SLC23A3: variants seen among roughly 807,000 people sequenced by gnomAD.
SLC23A3 encodes E2-binding protein 3.
Under a neutral mutation model 64.7 loss-of-function variants are expected in SLC23A3, and 41 were observed. That is an observed-to-expected ratio of 0.63 (90% CI 0.49 to 0.82). The LOEUF (loss-of-function observed/expected upper bound fraction) is 0.82. SLC23A3 is among the 40% of genes least tolerant of loss of function. The pLI, the probability that SLC23A3 is intolerant of heterozygous loss-of-function variation, is 0.00. For synonymous variants in SLC23A3, 281 were observed against 306.8 expected (o/e 0.92, Z 0.88); for missense variants, 647 against 733.4 (o/e 0.88, Z 1.36).
In SLC23A3 at chr2:219,163,593, G is replaced by A. The variant is rs770055769; in HGVS notation, c.1274-38C>T. On this transcript the variant is annotated intron_variant, in intron 9 of 11. Transcript: ENST00000409878. ...GAAGAAATCAAGGGGGTCAGGAGGA[G>A]TCAAGGGGGCTCACATAGCATGGAG... The A allele has an allele frequency of 7.5e-6, 12 of 1,603,220 alleles. 1 individual carries two copies. The South Asian group carries it at 1.2e-4, about 16-fold the overall frequency.
intron 9 of SLC23A3, 145 bp downstream of exon 9, chr2:219,164,088 A>G (rs562276430): frequency 1.4e-5 from 9 of 627,372 alleles, no homozygotes; most frequent in Non-Finnish European, 2.3e-5. Flanking sequence ...AGGCTGACAC[A>G]TGCTCATATC....
rs1479546908 is a variant in SLC23A3 at position 219,169,928 on chromosome 2, G to A, written c.57C>T (p.Ala19=). 1.9e-6 allele frequency: 3 copies of A among 1,614,006 alleles called. No individual in the cohort carries two copies. In the South Asian group the frequency reaches 3.3e-5, roughly 18 times the overall value. ...SQLRSVGSQD[A]LAPLPPPAPQ... ...GAGCAGGTGGAGGCAAGGGGGCCAG[G>A]GCATCCTGGGAGCCCACTGATCGGA... The change falls in exon 1 of 12, where the codon GCC becomes GCT. Residue 19 remains alanine, a synonymous_variant. Coordinates refer to ENST00000409878, the MANE Select transcript of SLC23A3 (RefSeq NM_001144889.2). The surrounding 1 kb of genome is among the most constrained non-coding windows in gnomAD (Gnocchi z 4.5).
chr2:219,169,650 C>G lies in SLC23A3; in HGVS notation c.191G>C (p.Cys64Ser), dbSNP rs1188386970. The stretch of plus-strand genomic sequence containing the variant: ...GCAAAGCAGGAGCAGGTGGGAGACA[C>G]AGAGCAGAGAAGCCATGACCAAGAC... The part of the protein sequence containing the change: ...QHVLVMASLL[C>S]VSHLLLLCSL... Residue 64 changes from cysteine (C) to serine (S), a missense_variant, in exon 2 of 12, where the codon TGT becomes TCT. Transcript: ENST00000409878. The surrounding 1 kb of genome is among the most constrained non-coding windows in gnomAD (Gnocchi z 4.5). The G allele has an allele frequency of 6.2e-7, 1 of 1,613,996 alleles. No individual in the cohort carries two copies. Among genetic ancestry groups the G allele is most frequent in the African/African-American group, 1.3e-5 (1 of 74,908 alleles).
chr2:219,164,883 T>C, intron 8 of SLC23A3: 1 of 455,634 alleles, frequency 2.2e-6, no homozygotes, highest in Non-Finnish European at 3.8e-6. Context: ...GATACTTTTT[T>C]CCTTCAACTG....
chr2:219,167,668 G>C (rs1383971301), intron 7 of SLC23A3, among the ~76,000 whole-genome samples: 1 of 151,622 alleles, frequency 6.6e-6, no homozygotes, highest in Non-Finnish European at 1.5e-5. Flanking sequence ...CCTGGGCCTG[G>C]GAGGTTGAGG....
rs374308076 is a variant in SLC23A3 at position 219,163,474 on chromosome 2, C to T, written c.1355G>A (p.Arg452Gln). The T allele has an allele frequency of 2.0e-5, 33 of 1,614,034 alleles. No homozygotes were observed. Among genetic ancestry groups the T allele is most frequent in the Non-Finnish European group, 2.6e-5 (31 of 1,180,044 alleles). ...GGAGAAGCCCACAATGAAGATATTT[C>T]GCCCAGAGTCTATGTCAGCCAGGTA... Reference protein sequence around the residue: ...SFYLADIDSGRNIFIVGFSIF... With the variant: ...SFYLADIDSGQNIFIVGFSIF... Residue 452 changes from arginine to glutamine, a missense_variant, in exon 10 of 12, where the codon CGA becomes CAA. By Grantham distance (43) the Arg-to-Gln change is conservative. Coordinates refer to ENST00000409878, the MANE Select transcript of SLC23A3 (RefSeq NM_001144889.2).
At chr2:219,164,983 G>A in intron 8 of SLC23A3, 186 bp downstream of exon 8, 1 of 716,970 alleles carries the variant, frequency 1.4e-6, no homozygotes, top group Non-Finnish European at 2.2e-6. Flanking sequence ...CTCATGCACA[G>A]GAGTTCCGTG....
In SLC23A3 at chr2:219,168,215, G is replaced by A. The variant is rs1242216260; in HGVS notation, c.778C>T (p.Pro260Ser). ...ASTSSTHTPL[P>S]VFRLLSVLIP... is the part of the protein sequence containing the mutation. ...CATACCGAAAGGAGCCGGAAGACAG[G>A]GAGAGGAGTGTGAGTTGATGACGTT... Residue 260 changes from proline (P) to serine (S), a missense_variant, in exon 6 of 12, where the codon CCT becomes TCT. Physicochemically the swap from Pro to Ser is moderately conservative, Grantham distance 74 (BLOSUM62 -1). Transcript: ENST00000409878. The A allele has an allele frequency of 2.5e-6, 4 of 1,613,970 alleles. No individual in the cohort carries two copies. Among genetic ancestry groups the A allele is most frequent in the East Asian group, 2.2e-5 (1 of 44,888 alleles).
Position 219,169,278 on chromosome 2 carries a change from C to T in SLC23A3, c.418+31G>A. 1.2e-6 allele frequency: 2 copies of T among 1,614,088 alleles called. No homozygotes were observed. Among genetic ancestry groups the T allele is most frequent in the Non-Finnish European group, 8.5e-7 (1 of 1,180,030 alleles). The stretch of plus-strand genomic sequence containing the variant: ...ATGCTCAGATGAGAACCCAGCCCCA[C>T]CCTTACCCCTTGCCCTTGCTCTGTG... On this transcript the variant is annotated intron_variant, in intron 3 of 11. Transcript: ENST00000409878. This position sits in a 1 kb window ranked among gnomAD's most constrained non-coding sequence, Gnocchi z 4.5.
rs1949994894 is a variant in SLC23A3 at position 219,165,344 on chromosome 2, G to C, written c.992C>G (p.Ser331Cys). ...ISMALAASTS[S>C]LGCYALCGRL... ...GCCACACAGGGCATAGCAGCCCAGG[G>C]AACTGGTGGAGGCTGCCAAGGCCAT... The change falls in exon 8 of 12, where the codon TCC (serine) becomes TGC (cysteine). Residue 331 changes from serine (S) to cysteine (C), a missense_variant. Transcript: ENST00000409878. 1 of 1,551,378 alleles carries C rather than the reference G, an allele frequency of 6.4e-7. No individual in the cohort carries two copies.
At position 219,169,920 on chromosome 2, in the gene SLC23A3, G is replaced by C; in HGVS notation, c.65C>G (p.Pro22Arg). 1 of 1,613,952 alleles carries C rather than the reference G, an allele frequency of 6.2e-7. No homozygotes were observed. The highest frequency in any genetic ancestry group is 8.5e-7 in the Non-Finnish European group (1 of 1,179,894). ...ATTCTGGGGAGCAGGTGGAGGCAAG[G>C]GGGCCAGGGCATCCTGGGAGCCCAC... is the stretch of plus-strand genomic sequence containing the variant. The part of the protein sequence containing the change: ...RSVGSQDALA[P>R]LPPPAPQNPS... Residue 22 changes from proline (P) to arginine (R), a missense_variant, in exon 1 of 12, where the codon CCC (proline) becomes CGC (arginine). By Grantham distance (103) the Pro-to-Arg change is moderately radical. Coordinates refer to ENST00000409878, the MANE Select transcript of SLC23A3 (RefSeq NM_001144889.2). This position sits in a 1 kb window ranked among gnomAD's most constrained non-coding sequence, Gnocchi z 4.5.
chr2:219,163,394 T>C lies in SLC23A3; in HGVS notation c.1435A>G (p.Ser479Gly). ...RWFREAPVLF[S>G]TGWSPLDVLL... ...CCTCTTCCCTTCCACCTACCTGTGC[T>C]GAACAGGACTGGGGCTTCCCGAAAC... Residue 479 changes from serine (S) to glycine (G), a missense_variant, in exon 10 of 12, where the codon AGC (serine) becomes GGC (glycine). Transcript: ENST00000409878. 1.9e-6 allele frequency: 3 copies of C among 1,614,156 alleles called. No individual in the cohort carries two copies. The South Asian group carries it at 3.3e-5, about 18-fold the overall frequency.
chr2:219,169,775 CCA>C lies in SLC23A3; in HGVS notation c.162+46_162+47del, dbSNP rs142326026. On this transcript the variant is annotated intron_variant, in intron 1 of 11. Coordinates refer to ENST00000409878, the MANE Select transcript of SLC23A3 (RefSeq NM_001144889.2). This position sits in a 1 kb window ranked among gnomAD's most constrained non-coding sequence, Gnocchi z 4.5. Reference sequence around the variant, plus strand: ...ACATGCCACATCTACACCTACTTCCCCACACACACCATCAGGCAGCACCAACT... The same window carrying C: ...ACATGCCACATCTACACCTACTTCCCCACACACCATCAGGCAGCACCAACT... The C allele has an allele frequency of 1.2e-5, 20 of 1,611,752 alleles. No homozygotes were observed. Among genetic ancestry groups the C allele is most frequent in the Non-Finnish European group, 1.6e-5 (19 of 1,179,090 alleles).
At position 219,161,660 on chromosome 2, in the gene SLC23A3, C is replaced by T. The variant is rs567779159; in HGVS notation, c.*249G>A. 1.0e-5 allele frequency: 4 copies of T among 384,610 alleles called. No individual in the cohort carries two copies. The East Asian group carries it at 1.5e-4, about 15-fold the overall frequency. 23.8% of individuals were successfully genotyped at this position (384,610 alleles called of 1,614,324 possible). ...AAAGTGAATGCTGGGGTTCAAGTGGCATTGATAGTACACAGGCAAAATCTC... is the reference window on the plus strand; with the variant it reads ...AAAGTGAATGCTGGGGTTCAAGTGGTATTGATAGTACACAGGCAAAATCTC... On this transcript the variant is annotated 3_prime_UTR_variant, in exon 12 of 12. Transcript: ENST00000409878.
intron 7 of SLC23A3, among the ~76,000 whole-genome samples, chr2:219,166,437 T>A (rs1193841860): frequency 2.6e-5 from 4 of 152,178 alleles, no homozygotes; most frequent in Non-Finnish European, 5.9e-5. Context: ...GCTCAAGCAA[T>A]CCTCCCACCT....
chr2:219,164,194 T>C (rs768822171), intron 9 of SLC23A3, 39 bp downstream of exon 9: 6 of 1,395,830 alleles, frequency 4.3e-6, no homozygotes, highest in Non-Finnish European at 6.0e-6. Context: ...CACTGGGGAG[T>C]AGCAGTTCAA....
At position 219,169,919 on chromosome 2, in the gene SLC23A3, G is replaced by C. The variant is rs1391188112; in HGVS notation, c.66C>G (p.Pro22=). The C allele has an allele frequency of 1.2e-6, 2 of 1,613,826 alleles. No individual in the cohort carries two copies. Among genetic ancestry groups the C allele is most frequent in the African/African-American group, 1.3e-5 (1 of 75,022 alleles). ...RSVGSQDALA[P]LPPPAPQNPS... ...GATTCTGGGGAGCAGGTGGAGGCAA[G>C]GGGGCCAGGGCATCCTGGGAGCCCA... The change falls in exon 1 of 12, where the codon CCC becomes CCG. Residue 22 remains proline, a synonymous_variant. Transcript: ENST00000409878. The surrounding 1 kb of genome is among the most constrained non-coding windows in gnomAD (Gnocchi z 4.5).
chr2:219,164,026 GA>G (rs1253559213), intron 9 of SLC23A3, among the ~76,000 whole-genome samples: 2 of 152,104 alleles, frequency 1.3e-5, no homozygotes, highest in Non-Finnish European at 2.9e-5. Context: ...GATTCTTCAG[GA>G]AGCCCAGAAG....
At chr2:219,166,113 CAA>C (rs756992416) in intron 7 of SLC23A3, among the ~76,000 whole-genome samples, 2 of 142,814 alleles carry the variant, frequency 1.4e-5, no homozygotes, top group African/African-American at 2.6e-5. Flanking sequence ...GCCTGGGCGA[CAA>C]GAGTGAAACT....
Sources: gnomAD v4.1 joint callset for allele counts (sites outside exome capture counted in the v4.1 genomes callset) on GRCh38, gnomAD v4.1.1 for gene constraint, Gnocchi (gnomAD v3.1) non-coding constraint, MANE v1.5 for transcripts, NCBI Gene and HGNC (gene_info 2026-07-23, HGNC 2026-07-21) for gene names.